DPH5: variants seen among roughly 807,000 people sequenced by gnomAD.
DPH5 encodes diphthamide biosynthesis 5, also known as diphthine methyl ester synthase.
A neutral mutation model predicts 31.6 loss-of-function variants in DPH5; 31 were observed. The observed-to-expected ratio is 0.98, with a 90% CI of 0.74 to 1.32. The LOEUF is 1.32. Among genes scored for constraint, DPH5 ranks in the 40% most tolerant of loss-of-function variants. The probability of loss-of-function intolerance (pLI) is 0.00; values close to 1 mark genes in which losing one functional copy is unlikely to be tolerated. For synonymous variants in DPH5, 120 were observed against 115.0 expected, an observed-to-expected ratio of 1.04 and a Z score of -0.28; for missense variants, 309 against 335.7, an observed-to-expected ratio of 0.92 and a Z score of 0.62.
chr1:101,007,214 G>T (rs920439509), intron 4 of DPH5, among the ~76,000 whole-genome samples: 1 of 151,984 alleles, frequency 6.6e-6, no homozygotes, highest in Non-Finnish European at 1.5e-5. Context: ...GGTAACTGTG[G>T]ATATCTCTAG....
chr1:101,005,015 T>A (rs1030332133), intron 4 of DPH5, among the ~76,000 whole-genome samples: 1 of 152,186 alleles, frequency 6.6e-6, no homozygotes, highest in African/African-American at 2.4e-5. Context: ...AGCTGACTAC[T>A]CATTTCTTTC....
At chr1:101,025,053 A>G in intron 2 of DPH5, 1 of 438,816 alleles carries the variant, frequency 2.3e-6, no homozygotes, top group Non-Finnish European at 4.1e-6. Context: ...CCCCAGGAGT[A>G]TAAAATAGCT....
intron 5 of DPH5, among the ~76,000 whole-genome samples, chr1:100,997,870 G>A (rs555594428): frequency 3.3e-5 from 5 of 152,110 alleles, no homozygotes; most frequent in African/African-American, 7.2e-5. Context: ...TCCTTCGCCC[G>A]TCATCTACTT....
chr1:101,012,089 C>T (rs542715746), intron 4 of DPH5, among the ~76,000 whole-genome samples: 14 of 151,728 alleles, frequency 9.2e-5, no homozygotes, highest in African/African-American at 1.9e-4. Context: ...TTAGTAGAGA[C>T]GGGGTTTCAC....
chr1:101,013,860 C>T, intron 3 of DPH5, 42 bp from the exon 4 acceptor site: 1 of 1,459,644 alleles, frequency 6.9e-7, no homozygotes, highest in Non-Finnish European at 9.4e-7. Context: ...GCAAACAACA[C>T]TTTTAAGACA....
At chr1:100,991,383 G>A (rs944617252) in intron 7 of DPH5, among the ~76,000 whole-genome samples, 2 of 152,192 alleles carry the variant, frequency 1.3e-5, no homozygotes, top group Non-Finnish European at 2.9e-5. Flanking sequence ...GGACAAACAG[G>A]AATGCAGGAA....
chr1:101,005,701 AAAT>A (rs1659176881), intron 4 of DPH5, among the ~76,000 whole-genome samples: 1 of 152,260 alleles, frequency 6.6e-6, no homozygotes, highest in African/African-American at 2.4e-5. Context: ...AATAAATAAG[AAAT>A]TCAACTCAGC....
intron 2 of DPH5, 104 bp from the exon 3 acceptor site, chr1:101,021,869 G>T: frequency 2.5e-6 from 3 of 1,192,446 alleles, no homozygotes; most frequent in Non-Finnish European, 3.5e-6. Flanking sequence ...CTCTTTGTTT[G>T]GGACTGGTGC....
At chr1:101,018,443 T>C (rs1055377777) in intron 3 of DPH5, among the ~76,000 whole-genome samples, 1 of 152,136 alleles carries the variant, frequency 6.6e-6, no homozygotes, top group African/African-American at 2.4e-5. Flanking sequence ...TTCGCCACAT[T>C]GCCCAGGCTG....
chr1:101,002,513 C>G (rs1004141770), intron 4 of DPH5, among the ~76,000 whole-genome samples: 3 of 152,100 alleles, frequency 2.0e-5, no homozygotes, highest in African/African-American at 7.2e-5. Flanking sequence ...TAGTTCTTAT[C>G]TCAGCACTGA....
intron 4 of DPH5, among the ~76,000 whole-genome samples, chr1:101,007,686 G>C (rs2101214853): frequency 6.6e-6 from 1 of 151,402 alleles, no homozygotes; most frequent in East Asian, 1.9e-4. Flanking sequence ...TTGCACTCCA[G>C]CCTGGGCGAC....
intron 4 of DPH5, among the ~76,000 whole-genome samples, chr1:101,007,818 G>C (rs1363810774): frequency 6.6e-6 from 1 of 150,394 alleles, no homozygotes; most frequent in Non-Finnish European, 1.5e-5. Context: ...AAAAATCTCG[G>C]ATTTATTAAG....
At chr1:101,002,738 A>G (rs1207362321) in intron 4 of DPH5, among the ~76,000 whole-genome samples, 1 of 152,128 alleles carries the variant, frequency 6.6e-6, no homozygotes, top group African/African-American at 2.4e-5. Flanking sequence ...TCTTCAATTA[A>G]AAATGCAGAA....
intron 4 of DPH5, among the ~76,000 whole-genome samples, chr1:101,007,938 C>T (rs1659356827): frequency 6.6e-6 from 1 of 151,846 alleles, no homozygotes; most frequent in Non-Finnish European, 1.5e-5. Context: ...GAAAAATCTG[C>T]AAAATGTTAA....
At chr1:100,995,420 T>C (rs6681932) in intron 5 of DPH5, 37,495 of 345,742 alleles carry the variant, frequency 0.11, 2,254 homozygotes, top group Middle Eastern at 0.15. Context: ...TAGATAAACA[T>C]TGGCATATAC....
At chr1:101,002,723 T>C (rs979003319) in intron 4 of DPH5, among the ~76,000 whole-genome samples, 1 of 152,156 alleles carries the variant, frequency 6.6e-6, no homozygotes, top group Admixed American at 6.6e-5. Context: ...TTCTCAGCCT[T>C]GGGTTCTTCA....
chr1:101,003,342 A>G (rs1659005559), intron 4 of DPH5, among the ~76,000 whole-genome samples: 1 of 152,212 alleles, frequency 6.6e-6, no homozygotes, highest in Non-Finnish European at 1.5e-5. Context: ...TAGCCAACAA[A>G]TACTTATTAC....
chr1:101,003,486 C>A (rs1049469771), intron 4 of DPH5, among the ~76,000 whole-genome samples: 19 of 152,154 alleles, frequency 1.2e-4, no homozygotes, highest in Non-Finnish European at 2.2e-4. Flanking sequence ...GCAGTCATGG[C>A]ACTGGTTCTT....
intron 2 of DPH5, chr1:101,023,073 A>T (rs1392492739): frequency 6.6e-6 from 1 of 152,214 alleles, no homozygotes; most frequent in East Asian, 1.9e-4. Flanking sequence ...CACGCCTGTA[A>T]TCCCAGCTAC....
Sources: gnomAD v4.1 joint callset for allele counts (sites outside exome capture counted in the v4.1 genomes callset) on GRCh38, gnomAD v4.1.1 for gene constraint, MANE v1.5 for transcripts, NCBI Gene and HGNC (gene_info 2026-07-23, HGNC 2026-07-21) for gene names.